The following MYO9A variants were observed in gnomAD, a reference collection of about 807,000 sequenced individuals.
MYO9A encodes the protein unconventional myosin-IXa.
A neutral mutation model predicts 293.3 loss-of-function variants in MYO9A; 103 were observed. The ratio of observed to expected loss-of-function variants is 0.35; its 90% CI spans 0.30 to 0.41. The LOEUF is 0.41. Ranked by LOEUF, MYO9A falls within the 10% of genes least tolerant of loss-of-function variation. The probability of loss-of-function intolerance (pLI) is 1.00; values close to 1 mark genes in which losing one functional copy is unlikely to be tolerated. For missense variants in MYO9A, 2,685 were observed against 3,033.0 expected (o/e 0.89, Z 2.69); for synonymous variants, 1,001 against 1,035.7 (o/e 0.97, Z 0.64).
intron 1 of MYO9A, among the ~76,000 whole-genome samples, chr15:72,070,125 T>A (rs567740003): frequency 8.8e-6 from 1 of 114,268 alleles, no homozygotes; most frequent in African/African-American, 3.5e-5. Flanking sequence ...TGAGACTATG[T>A]CTCAAAAAAA....
chr15:71,957,723 C>A (rs1258152108), intron 14 of MYO9A, among the ~76,000 whole-genome samples: 1 of 152,094 alleles, frequency 6.6e-6, no homozygotes, highest in Non-Finnish European at 1.5e-5. Context: ...CTGTGGAAAA[C>A]CTTGAAGCTC....
At chr15:71,961,190 G>C (rs1469897058) in intron 13 of MYO9A, among the ~76,000 whole-genome samples, 1 of 152,204 alleles carries the variant, frequency 6.6e-6, no homozygotes, top group South Asian at 2.1e-4. Context: ...TTGGTCAGTT[G>C]TAACAGCAGA....
Position 71,851,235 on chromosome 15 carries a change from C to T in MYO9A, c.6581+18G>A. The T allele has an allele frequency of 6.3e-7, 1 of 1,588,010 alleles. No homozygotes were observed. The highest frequency in any genetic ancestry group is 1.3e-5 in the African/African-American group (1 of 74,340). On this transcript the variant is annotated intron_variant, in intron 37 of 41. Transcript: ENST00000356056. ...AAGAGAAACTATTAAAAATCGTTCC[C>T]TTGCTTCTTAAAGTTACCTGACTAG...
In MYO9A at chr15:71,827,880, T is replaced by A. The variant is rs1595976598; in HGVS notation, c.7183+4A>T. The A allele has an allele frequency of 6.2e-7, 1 of 1,611,876 alleles. No individual in the cohort carries two copies. The highest frequency in any genetic ancestry group is 1.3e-5 in the African/African-American group (1 of 74,898). On this transcript the variant is annotated splice_donor_region_variant and intron_variant, in intron 41 of 41. Coordinates refer to ENST00000356056, the MANE Select transcript of MYO9A (RefSeq NM_006901.4). ...GGAGTCTTTGGTCTACCATGTTCAC[T>A]TACCTGATTTCTCAGAGATAGCATA... is the stretch of plus-strand genomic sequence containing the variant.
At chr15:72,049,953 T>A (rs1432461234) in intron 1 of MYO9A, among the ~76,000 whole-genome samples, 1 of 152,162 alleles carries the variant, frequency 6.6e-6, no homozygotes, top group Non-Finnish European at 1.5e-5. Context: ...CTTAGAAACA[T>A]CTTTTTTAAC....
At chr15:72,100,955 T>G (rs1217431876) in intron 1 of MYO9A, among the ~76,000 whole-genome samples, 2 of 98,772 alleles carry the variant, frequency 2.0e-5, no homozygotes, top group Admixed American at 1.0e-4. Flanking sequence ...AGCCGCCGCG[T>G]CCCGGAGGGA....
At chr15:71,894,998 C>T (rs1267683747) in intron 25 of MYO9A, among the ~76,000 whole-genome samples, 5 of 152,126 alleles carry the variant, frequency 3.3e-5, no homozygotes, top group Admixed American at 3.3e-4. Flanking sequence ...CATTCAAAAT[C>T]TTTCATTTAA....
intron 18 of MYO9A, among the ~76,000 whole-genome samples, chr15:71,932,532 T>G (rs545411827): frequency 9.6e-4 from 145 of 151,802 alleles, no homozygotes; most frequent in Non-Finnish European, 1.4e-3. Flanking sequence ...CCCAGGGTTC[T>G]GCTGTTTCTT....
At chr15:71,923,795 C>T (rs2058218273) in intron 18 of MYO9A, among the ~76,000 whole-genome samples, 1 of 152,148 alleles carries the variant, frequency 6.6e-6, no homozygotes. Context: ...AAAACACTAA[C>T]TCTTAATTTC....
intron 34 of MYO9A, among the ~76,000 whole-genome samples, chr15:71,859,240 T>A (rs1325409048): frequency 1.3e-5 from 2 of 152,240 alleles, no homozygotes; most frequent in Non-Finnish European, 2.9e-5. Context: ...CTGAATTTTT[T>A]AAAAAGATTA....
At chr15:72,012,106 A>G (rs1295710282) in intron 6 of MYO9A, among the ~76,000 whole-genome samples, 1 of 152,216 alleles carries the variant, frequency 6.6e-6, no homozygotes, top group African/African-American at 2.4e-5. Context: ...AGTTTAAAAT[A>G]AAGTTTTGAA....
intron 1 of MYO9A, among the ~76,000 whole-genome samples, chr15:72,101,772 G>A (rs1470832267): frequency 2.8e-5 from 4 of 145,202 alleles, no homozygotes; most frequent in Non-Finnish European, 4.6e-5. Context: ...ACTGGGAAGT[G>A]AGGAGCCCCT....
chr15:71,869,084 T>C (rs1166639292), intron 32 of MYO9A, among the ~76,000 whole-genome samples: 2 of 152,172 alleles, frequency 1.3e-5, no homozygotes, highest in South Asian at 4.1e-4. Context: ...AAAATCACTA[T>C]TTAGCAACCA....
intron 39 of MYO9A, among the ~76,000 whole-genome samples, chr15:71,839,715 C>A (rs983414316): frequency 6.6e-6 from 1 of 152,074 alleles, no homozygotes; most frequent in Non-Finnish European, 1.5e-5. Context: ...TGGCCTGAAT[C>A]GGCTTTTTTT....
At chr15:71,954,649 G>A (rs1304252291) in intron 14 of MYO9A, among the ~76,000 whole-genome samples, 1 of 152,246 alleles carries the variant, frequency 6.6e-6, no homozygotes, top group African/African-American at 2.4e-5. Context: ...TGGTGCAGAT[G>A]TGGGGCATTG....
intron 2 of MYO9A, chr15:72,041,350 G>T: frequency 3.6e-6 from 2 of 560,512 alleles, no homozygotes; most frequent in South Asian, 1.4e-5. Context: ...TCTGTCGGCA[G>T]GGAAAGGCAA....
At chr15:71,868,153 C>CT (rs1402685858) in intron 32 of MYO9A, among the ~76,000 whole-genome samples, 16 of 152,314 alleles carry the variant, frequency 1.1e-4, no homozygotes, top group African/African-American at 3.8e-4. Context: ...GAACAATCTG[C>CT]TTCCAATCTC....
chr15:71,854,473 T>C lies in MYO9A; in HGVS notation c.6250A>G (p.Asn2084Asp). Residue 2084 changes from asparagine to aspartate, a missense_variant, in exon 35 of 42, where the codon AAC (asparagine) becomes GAC (aspartate). Around this residue, in one of 10 missense-constraint regions of MYO9A, gnomAD observed 238 missense variants for 269.1 expected, o/e 0.88. Transcript: ENST00000356056. Reference sequence around the variant, plus strand: ...TACAGTCCATGCATTTCAATGTAGTTTATGAGCTTTTCCACTACTAAAGGA... The same window carrying C: ...TACAGTCCATGCATTTCAATGTAGTCTATGAGCTTTTCCACTACTAAAGGA... Reference protein sequence around the residue: ...TVPLVVEKLINYIEMHGLYTE... With the variant: ...TVPLVVEKLIDYIEMHGLYTE... The C allele has an allele frequency of 6.2e-7, 1 of 1,613,820 alleles. No homozygotes were observed. Among genetic ancestry groups the C allele is most frequent in the Non-Finnish European group, 8.5e-7 (1 of 1,179,824 alleles).
At chr15:72,067,304 AATTT>A (rs2079050724) in intron 1 of MYO9A, among the ~76,000 whole-genome samples, 2 of 151,754 alleles carry the variant, frequency 1.3e-5, no homozygotes, top group African/African-American at 2.4e-5. Flanking sequence ...CTAATTAATT[AATTT>A]ATTTCATTTT....
Sources: allele counts gnomAD v4.1 joint callset (sites outside exome capture counted in the v4.1 genomes callset), GRCh38; gene constraint gnomAD v4.1.1; regional missense constraint gnomAD v4.1.1; transcripts MANE v1.5; gene names NCBI Gene and HGNC (gene_info 2026-07-23, HGNC 2026-07-21).